Variants in LRRFIP1 observed in about 807,000 individuals in gnomAD.
LRRFIP1 encodes the protein leucine-rich repeat flightless-interacting protein 1.
In LRRFIP1, 62 loss-of-function variants were observed where a neutral mutation model predicts 104.4. That is an observed-to-expected ratio of 0.59 (90% CI 0.48 to 0.73). The LOEUF is 0.73. Among genes scored for constraint, LRRFIP1 ranks in the 30% least tolerant of loss-of-function variants. The pLI is 0.00. For missense variants in LRRFIP1, 796 were observed against 824.5 expected, an observed-to-expected ratio of 0.97 and a Z score of 0.42; for synonymous variants, 300 against 299.0, an observed-to-expected ratio of 1.00 and a Z score of -0.03.
intron 2 of LRRFIP1, among the ~76,000 whole-genome samples, chr2:237,710,248 C>A (rs948309184): frequency 2.0e-5 from 3 of 151,964 alleles, no homozygotes; most frequent in Non-Finnish European, 4.4e-5. Flanking sequence ...TCTGTTCATA[C>A]AGACACATTT....
intron 1 of LRRFIP1, among the ~76,000 whole-genome samples, chr2:237,652,383 A>C (rs1019697643): frequency 6.6e-6 from 1 of 152,242 alleles, no homozygotes; most frequent in Non-Finnish European, 1.5e-5. Flanking sequence ...ACAGAGATGC[A>C]GAACCAGCAA....
chr2:237,709,418 T>C (rs1362843926), intron 2 of LRRFIP1, among the ~76,000 whole-genome samples: 2 of 152,140 alleles, frequency 1.3e-5, no homozygotes, highest in African/African-American at 4.8e-5. Context: ...CTTAAGAAGA[T>C]GTGAATTTAT....
chr2:237,662,059 G>A (rs976699335), intron 1 of LRRFIP1, among the ~76,000 whole-genome samples: 2 of 152,160 alleles, frequency 1.3e-5, no homozygotes, highest in African/African-American at 4.8e-5. Flanking sequence ...GTCCAAAGTC[G>A]AGGTATTGGG....
intron 19 of LRRFIP1, among the ~76,000 whole-genome samples, chr2:237,760,595 T>C (rs2059755386): frequency 6.6e-6 from 1 of 152,256 alleles, no homozygotes; most frequent in South Asian, 2.1e-4. Context: ...GACAGAATTA[T>C]CAAAAGATCA....
intron 1 of LRRFIP1, among the ~76,000 whole-genome samples, chr2:237,707,427 G>C (rs1171549479): frequency 6.8e-6 from 1 of 146,998 alleles, no homozygotes; most frequent in Non-Finnish European, 1.5e-5. Context: ...TTCAGCCTGG[G>C]CAACAGAACA....
At chr2:237,681,922 G>A (rs916265507) in intron 1 of LRRFIP1, among the ~76,000 whole-genome samples, 3 of 150,666 alleles carry the variant, frequency 2.0e-5, no homozygotes, top group Non-Finnish European at 4.4e-5. Context: ...CTCGTGATCC[G>A]CCCGCCTCGG....
chr2:237,748,323 G>A (rs770584149), intron 11 of LRRFIP1, 41 bp from the exon 12 acceptor site: 2 of 1,399,602 alleles, frequency 1.4e-6, no homozygotes, highest in Non-Finnish European at 2.0e-6. Context: ...TCCATTTAAT[G>A]CTTTTAAAGT....
At chr2:237,692,027 C>T (rs1261476872) in intron 1 of LRRFIP1, 5 of 261,530 alleles carry the variant, frequency 1.9e-5, no homozygotes, top group East Asian at 2.3e-4. Flanking sequence ...AGGGACCCTC[C>T]GAGGCGGAGC....
At chr2:237,723,703 C>T (rs2094617604) in intron 7 of LRRFIP1, 117 bp downstream of exon 7, 17 of 1,294,056 alleles carry the variant, frequency 1.3e-5, no homozygotes, top group Non-Finnish European at 1.7e-5. Flanking sequence ...GCCTGGGGGG[C>T]TATGAGGCCA....
chr2:237,735,084 A>G lies in LRRFIP1; in HGVS notation c.490-184A>G, dbSNP rs1322959294. On this transcript the variant is annotated intron_variant, in intron 9 of 23. Transcript: ENST00000308482. The surrounding 1 kb of genome is among the most constrained non-coding windows in gnomAD (Gnocchi z 4.6). Reference sequence around the variant, plus strand: ...CAACGACTAAAACCGGTCTCTCCTCATTTCCTTGTCGCACTCTGCAACCCT... The same window carrying G: ...CAACGACTAAAACCGGTCTCTCCTCGTTTCCTTGTCGCACTCTGCAACCCT... Among the ~76,000 whole-genome samples the G allele has an allele frequency of 6.6e-6, 1 of 151,974 alleles. No homozygotes were observed. The highest frequency in any genetic ancestry group is 1.5e-5 in the Non-Finnish European group (1 of 67,994).
chr2:237,683,732 T>C (rs1199067092), intron 1 of LRRFIP1, among the ~76,000 whole-genome samples: 1 of 152,200 alleles, frequency 6.6e-6, no homozygotes, highest in Non-Finnish European at 1.5e-5. Context: ...GGAAAGATCA[T>C]TTTGGGGATG....
chr2:237,741,702 C>T (rs1469140324), intron 11 of LRRFIP1, among the ~76,000 whole-genome samples: 1 of 152,082 alleles, frequency 6.6e-6, no homozygotes, highest in Non-Finnish European at 1.5e-5. Flanking sequence ...GTGGCGCATG[C>T]CTGTAATCCC....
intron 2 of LRRFIP1, chr2:237,708,850 G>T (rs1170197280): frequency 1.5e-6 from 1 of 678,302 alleles, no homozygotes; most frequent in Non-Finnish European, 2.8e-6. Context: ...TCCTGAGAGG[G>T]GCTTAGAAGC....
At chr2:237,693,032 G>C (rs1407662330) in intron 1 of LRRFIP1, among the ~76,000 whole-genome samples, 2 of 152,046 alleles carry the variant, frequency 1.3e-5, no homozygotes, top group Non-Finnish European at 2.9e-5. Context: ...TAGTCTCCCG[G>C]GTCCGCCCAG....
intron 5 of LRRFIP1, among the ~76,000 whole-genome samples, 175 bp from the exon 6 acceptor site, chr2:237,720,597 A>G (rs2094502856): frequency 6.6e-6 from 1 of 152,150 alleles, no homozygotes; most frequent in African/African-American, 2.4e-5. Context: ...GAGATCCACA[A>G]AGCCCATGCT....
chr2:237,721,071 C>T (rs1285258782), intron 6 of LRRFIP1: 1 of 454,170 alleles, frequency 2.2e-6, no homozygotes, highest in Non-Finnish European at 4.1e-6. Flanking sequence ...TTTTTCAATA[C>T]TTATCCACAT....
At chr2:237,668,851 T>G (rs181707998) in intron 1 of LRRFIP1, among the ~76,000 whole-genome samples, 3 of 152,208 alleles carry the variant, frequency 2.0e-5, no homozygotes, top group Admixed American at 1.3e-4. Flanking sequence ...TAAGGAAAAT[T>G]CAGGCAATAG....
intron 18 of LRRFIP1, among the ~76,000 whole-genome samples, chr2:237,759,749 A>G (rs2059666343): frequency 6.6e-6 from 1 of 152,298 alleles, no homozygotes; most frequent in African/African-American, 2.4e-5. Context: ...TGACTTGCTT[A>G]CTGCTCCACT....
At chr2:237,753,167 A>G (rs1423133579) in intron 14 of LRRFIP1, 142 bp from the exon 15 acceptor site, 15 of 577,096 alleles carry the variant, frequency 2.6e-5, no homozygotes, top group Non-Finnish European at 4.4e-5. Flanking sequence ...TGAAATTGCC[A>G]TGTGTTTCTT....
Sources: allele counts gnomAD v4.1 joint callset (sites outside exome capture counted in the v4.1 genomes callset), GRCh38; gene constraint gnomAD v4.1.1; non-coding constraint Gnocchi (gnomAD v3.1); transcripts MANE v1.5; gene names NCBI Gene and HGNC (gene_info 2026-07-23, HGNC 2026-07-21).